GRIK2: variants seen among roughly 807,000 people sequenced by gnomAD.
GRIK2 encodes the protein glutamate receptor ionotropic, kainate 2.
A neutral mutation model predicts 100.3 loss-of-function variants in GRIK2; 32 were observed. The observed-to-expected ratio is 0.32, with a 90% CI of 0.24 to 0.43. The LOEUF (loss-of-function observed/expected upper bound fraction) is 0.43. Ranked by LOEUF, GRIK2 falls within the 20% of genes least tolerant of loss-of-function variation. The pLI, the probability that GRIK2 is intolerant of heterozygous loss-of-function variation, is 1.00. For synonymous variants in GRIK2, 417 were observed against 389.4 expected (o/e 1.07, Z -0.83); for missense variants, 843 against 1,114.9 (o/e 0.76, Z 3.47).
chr6:101,653,399 G>A (rs1323801704), intron 4 of GRIK2, among the ~76,000 whole-genome samples: 3 of 151,540 alleles, frequency 2.0e-5, no homozygotes, highest in East Asian at 2.0e-4. Context: ...CCCACCCTGC[G>A]CCCTCACTCC....
At chr6:102,037,485 T>C (rs1770332193) in intron 15 of GRIK2, among the ~76,000 whole-genome samples, 1 of 151,362 alleles carries the variant, frequency 6.6e-6, no homozygotes. Context: ...TCCCAGTGCA[T>C]AATGATACTG....
chr6:101,752,629 C>G (rs928830184), intron 7 of GRIK2, among the ~76,000 whole-genome samples: 2 of 152,038 alleles, frequency 1.3e-5, no homozygotes, highest in South Asian at 4.1e-4. Context: ...CTTTCCCTGA[C>G]AGTGAAAAAT....
At chr6:101,757,995 A>T (rs1308005013) in intron 7 of GRIK2, among the ~76,000 whole-genome samples, 1 of 152,224 alleles carries the variant, frequency 6.6e-6, no homozygotes, top group African/African-American at 2.4e-5. Flanking sequence ...TGGGAGGCTG[A>T]GGCAGGAAGA....
chr6:101,723,297 T>C (rs576674729), intron 7 of GRIK2, among the ~76,000 whole-genome samples: 90 of 152,174 alleles, frequency 5.9e-4, no homozygotes, highest in African/African-American at 2.1e-3. Context: ...TGTTCATATA[T>C]GGACAACTAA....
In GRIK2 at chr6:101,759,060, G is replaced by A. The variant is rs191804206; in HGVS notation, c.952-40588G>A. ...TTAAAGTCCTCCCAAACTAAATGAT[G>A]CTTGACAACATGCTGTCTCAGAGAG... On this transcript the variant is annotated intron_variant, in intron 7 of 16. Transcript: ENST00000369134. Among the ~76,000 whole-genome samples, 11 of 152,260 alleles carry A rather than the reference G, an allele frequency of 7.2e-5. No individual in the cohort carries two copies. In the East Asian group the frequency reaches 7.7e-4, roughly 11 times the overall value.
intron 4 of GRIK2, among the ~76,000 whole-genome samples, chr6:101,676,255 ATG>A (rs1402300515): frequency 2.0e-5 from 3 of 152,282 alleles, no homozygotes; most frequent in Admixed American, 2.0e-4. Context: ...ATTTTACTCT[ATG>A]TCTTTTTATA....
chr6:101,932,138 C>G (rs971055325), intron 14 of GRIK2, among the ~76,000 whole-genome samples: 45 of 151,822 alleles, frequency 3.0e-4, no homozygotes, highest in Admixed American at 2.6e-3. Context: ...TACCGAGTGC[C>G]CTTGTTTCTA....
At chr6:101,894,982 G>T (rs1270709253) in intron 12 of GRIK2, among the ~76,000 whole-genome samples, 1 of 151,696 alleles carries the variant, frequency 6.6e-6, no homozygotes, top group Non-Finnish European at 1.5e-5. Flanking sequence ...CTTTAATAGT[G>T]CATATCTTAT....
chr6:101,720,492 A>C (rs1304590027), intron 7 of GRIK2, among the ~76,000 whole-genome samples: 25 of 152,032 alleles, frequency 1.6e-4, no homozygotes, highest in Non-Finnish European at 4.4e-5. Context: ...AAAATGTGTA[A>C]GTGTAGTATT....
chr6:101,691,861 G>A (rs1348148042), intron 7 of GRIK2, among the ~76,000 whole-genome samples: 1 of 151,876 alleles, frequency 6.6e-6, no homozygotes, highest in Non-Finnish European at 1.5e-5. Context: ...CATCCACTAA[G>A]GTGACACAAG....
At position 101,824,536 on chromosome 6, in the gene GRIK2, T is replaced by A. The variant is rs1782190137; in HGVS notation, c.1317+6053T>A. On this transcript the variant is annotated intron_variant, in intron 10 of 16. Coordinates refer to ENST00000369134, the MANE Select transcript of GRIK2 (RefSeq NM_021956.5). The stretch of plus-strand genomic sequence containing the variant: ...TGACTATGTTGAGTGTTTCTCATTG[T>A]GCTATGCCTGTATAATAATTAATTT... Among the ~76,000 whole-genome samples the A allele has an allele frequency of 2.0e-5, 3 of 152,250 alleles. No individual in the cohort carries two copies. The South Asian group carries it at 6.2e-4, about 31-fold the overall frequency.
chr6:101,526,791 C>G (rs1302429588), intron 2 of GRIK2, among the ~76,000 whole-genome samples: 2 of 152,134 alleles, frequency 1.3e-5, no homozygotes, highest in South Asian at 4.1e-4. Context: ...GGAATCACCC[C>G]CTTAGCCCAT....
At chr6:101,581,288 G>A (rs527907674) in intron 2 of GRIK2, among the ~76,000 whole-genome samples, 3 of 79,870 alleles carry the variant, frequency 3.8e-5, no homozygotes, top group Admixed American at 1.2e-4. Context: ...GTATACACAC[G>A]TGTGTGTGTG....
intron 7 of GRIK2, among the ~76,000 whole-genome samples, chr6:101,723,001 T>C (rs1774596598): frequency 6.6e-6 from 1 of 152,038 alleles, no homozygotes; most frequent in African/African-American, 2.4e-5. Flanking sequence ...AGAAATTGCA[T>C]TCTGATACCA....
At chr6:101,923,713 G>A (rs988485270) in intron 12 of GRIK2, among the ~76,000 whole-genome samples, 1 of 152,010 alleles carries the variant, frequency 6.6e-6, no homozygotes, top group South Asian at 2.1e-4. Flanking sequence ...CTGAGCTCAG[G>A]AGTTTGAGAC....
chr6:101,596,119 A>G (rs963491883), intron 2 of GRIK2, among the ~76,000 whole-genome samples: 1 of 151,020 alleles, frequency 6.6e-6, no homozygotes, highest in African/African-American at 2.4e-5. Context: ...TCAGGCATTC[A>G]TATTTTCACA....
chr6:101,804,337 A>T (rs1036822118), intron 9 of GRIK2, among the ~76,000 whole-genome samples: 1 of 152,042 alleles, frequency 6.6e-6, no homozygotes, highest in Non-Finnish European at 1.5e-5. Flanking sequence ...ACCATGTCCA[A>T]GATATTTGCA....
intron 2 of GRIK2, among the ~76,000 whole-genome samples, chr6:101,586,082 A>G (rs1420352611): frequency 6.6e-6 from 1 of 152,030 alleles, no homozygotes; most frequent in African/African-American, 2.4e-5. Context: ...GAGGTTTGGG[A>G]GTTTAGTCCT....
At chr6:101,936,384 T>G (rs921603614) in intron 14 of GRIK2, among the ~76,000 whole-genome samples, 3 of 152,152 alleles carry the variant, frequency 2.0e-5, no homozygotes, top group Non-Finnish European at 4.4e-5. Context: ...TAGTATTTTG[T>G]TCAATAAAAT....
Sources: gnomAD v4.1 joint callset for allele counts (sites outside exome capture counted in the v4.1 genomes callset) on GRCh38, gnomAD v4.1.1 for gene constraint, MANE v1.5 for transcripts, NCBI Gene and HGNC (gene_info 2026-07-23, HGNC 2026-07-21) for gene names.